EPHA6: variants seen among roughly 807,000 people sequenced by gnomAD.
EPHA6 encodes the protein ephrin type-A receptor 6.
In EPHA6, 50 loss-of-function variants were observed where a neutral mutation model predicts 112.0. That is an observed-to-expected ratio of 0.45 (90% CI 0.36 to 0.56). EPHA6 has a LOEUF of 0.56. Ranked by LOEUF, EPHA6 falls within the 20% of genes least tolerant of loss-of-function variation. The probability of loss-of-function intolerance (pLI) is 0.00; values close to 1 mark genes in which losing one functional copy is unlikely to be tolerated. For missense variants in EPHA6, 1,280 were observed against 1,417.4 expected (o/e 0.90, Z 1.56); for synonymous variants, 529 against 490.7 (o/e 1.08, Z -1.03).
rs193214947 is a variant in EPHA6, at chr3:96,867,076, C to T, written c.450+187C>T. 3.3e-5 allele frequency among the ~76,000 whole-genome samples: 5 copies of T among 151,910 alleles called. No individual in the cohort carries two copies. The East Asian group carries it at 5.8e-4, about 18-fold the overall frequency. ...GGAATGATATGTAAAGCTCCTTCCT[C>T]TCTCCTAAATTAGTAATTATTCTTT... is the stretch of plus-strand genomic sequence containing the variant. On this transcript the variant is annotated intron_variant, in intron 2 of 17. Coordinates refer to ENST00000389672, the MANE Select transcript of EPHA6 (RefSeq NM_001080448.3).
chr3:97,137,934 A>G (rs983318934), intron 3 of EPHA6, among the ~76,000 whole-genome samples: 3 of 152,228 alleles, frequency 2.0e-5, no homozygotes, highest in African/African-American at 4.8e-5. Flanking sequence ...TGCAGCTATG[A>G]CGTCCCTCTT....
chr3:97,139,494 G>A (rs1050148078), intron 3 of EPHA6, among the ~76,000 whole-genome samples: 12 of 151,996 alleles, frequency 7.9e-5, no homozygotes, highest in Admixed American at 7.9e-4. Flanking sequence ...AGCAGAAAAT[G>A]AGCCTGCACA....
intron 3 of EPHA6, among the ~76,000 whole-genome samples, chr3:97,083,639 CTG>C (rs1279910850): frequency 2.0e-4 from 31 of 152,036 alleles, no homozygotes; most frequent in African/African-American, 7.5e-4. Context: ...CTACCCAAGT[CTG>C]TACTTCTTGT....
intron 2 of EPHA6, among the ~76,000 whole-genome samples, chr3:96,969,688 G>T (rs557552136): frequency 1.6e-4 from 24 of 151,962 alleles, no homozygotes; most frequent in African/African-American, 5.8e-4. Flanking sequence ...AGATTTCTGT[G>T]TGAAGATTGT....
intron 12 of EPHA6, among the ~76,000 whole-genome samples, chr3:97,601,004 C>T (rs1284427274): frequency 6.6e-6 from 1 of 151,912 alleles, no homozygotes; most frequent in East Asian, 1.9e-4. Context: ...TTAACTAAGC[C>T]TTCTTATTAG....
chr3:97,439,555 A>G (rs1273732493), intron 6 of EPHA6: 9 of 914,340 alleles, frequency 9.8e-6, no homozygotes, highest in Admixed American at 6.1e-5. Context: ...GGTTGCCAAC[A>G]ACAGAACCCA....
chr3:97,517,170 A>G lies in EPHA6; in HGVS notation c.2201-15188A>G, dbSNP rs189801905. Reference sequence around the variant, plus strand: ...TCAAAAGTAATTTCAAATAACCAAAAAGTGTTGTGTAGTAAGTATATTAAT... The same window carrying G: ...TCAAAAGTAATTTCAAATAACCAAAGAGTGTTGTGTAGTAAGTATATTAAT... On this transcript the variant is annotated intron_variant, in intron 10 of 17. Coordinates refer to ENST00000389672, the MANE Select transcript of EPHA6 (RefSeq NM_001080448.3). Among the ~76,000 whole-genome samples, 155 of 152,244 alleles carry G rather than the reference A, an allele frequency of 1.0e-3. 3 individuals carry two copies. The highest frequency in any genetic ancestry group is 1.0e-3 in the Non-Finnish European group (69 of 67,976).
chr3:97,545,569 T>A lies in EPHA6; in HGVS notation c.2386+13026T>A, dbSNP rs58922927. 4.0e-3 allele frequency among the ~76,000 whole-genome samples: 604 copies of A among 152,320 alleles called. 5 individuals carry two copies. Among genetic ancestry groups the A allele is most frequent in the African/African-American group, 0.013 (542 of 41,572 alleles). ...GATTTGGGGTGGAGAGTTCTGTAGATGTCTATTAGGTCCACTTGGTGCAGA... is the reference window on the plus strand; with the variant it reads ...GATTTGGGGTGGAGAGTTCTGTAGAAGTCTATTAGGTCCACTTGGTGCAGA... On this transcript the variant is annotated intron_variant, in intron 11 of 17. Transcript: ENST00000389672.
intron 11 of EPHA6, among the ~76,000 whole-genome samples, chr3:97,541,149 A>C (rs1360257427): frequency 6.6e-6 from 1 of 152,208 alleles, no homozygotes; most frequent in African/African-American, 2.4e-5. Flanking sequence ...TGAAATTAAC[A>C]AATGAAAATC....
chr3:97,129,680 T>TAG (rs2048285779), intron 3 of EPHA6, among the ~76,000 whole-genome samples: 1 of 152,136 alleles, frequency 6.6e-6, no homozygotes. Flanking sequence ...TTTGCAGTAG[T>TAG]AGAGAGAGAC....
At chr3:97,271,891 A>T (rs1057092022) in intron 5 of EPHA6, among the ~76,000 whole-genome samples, 3 of 152,208 alleles carry the variant, frequency 2.0e-5, no homozygotes, top group African/African-American at 7.2e-5. Flanking sequence ...AACAAACTAC[A>T]TCTATCCCCT....
intron 10 of EPHA6, among the ~76,000 whole-genome samples, chr3:97,525,944 C>T (rs2092613421): frequency 6.6e-6 from 1 of 152,120 alleles, no homozygotes; most frequent in Admixed American, 6.6e-5. Context: ...TGGCAGGACT[C>T]CTGTTGGATA....
intron 3 of EPHA6, among the ~76,000 whole-genome samples, chr3:97,058,719 CTT>C (rs1041726706): frequency 5.3e-5 from 8 of 152,274 alleles, no homozygotes; most frequent in African/African-American, 1.4e-4. Flanking sequence ...TCCTTAATCA[CTT>C]TTTGCCTACA....
intron 3 of EPHA6, among the ~76,000 whole-genome samples, chr3:97,187,086 T>C (rs994301992): frequency 6.6e-6 from 1 of 152,150 alleles, no homozygotes; most frequent in Non-Finnish European, 1.5e-5. Flanking sequence ...ACCCGAAATC[T>C]CCGTGGTGGC....
At chr3:97,648,439 T>C in intron 14 of EPHA6, 1 of 1,367,634 alleles carries the variant, frequency 7.3e-7, no homozygotes, top group Non-Finnish European at 9.5e-7. Flanking sequence ...GTATTTAATG[T>C]GTATTTTAAA....
intron 3 of EPHA6, among the ~76,000 whole-genome samples, chr3:97,097,632 C>T (rs186652954): frequency 4.0e-5 from 6 of 151,728 alleles, no homozygotes; most frequent in Non-Finnish European, 5.9e-5. Flanking sequence ...TTTATGTCTT[C>T]ACTGCCAGAT....
At chr3:97,162,606 C>G (rs957006675) in intron 3 of EPHA6, among the ~76,000 whole-genome samples, 2 of 152,130 alleles carry the variant, frequency 1.3e-5, no homozygotes, top group Non-Finnish European at 2.9e-5. Context: ...TTTCCCAATG[C>G]ACTCTTACCC....
At chr3:97,317,023 A>G (rs1030777773) in intron 5 of EPHA6, among the ~76,000 whole-genome samples, 1 of 151,904 alleles carries the variant, frequency 6.6e-6, no homozygotes, top group African/African-American at 2.4e-5. Context: ...CTTTGACTCA[A>G]TATGCTTTTA....
At chr3:97,364,924 C>A (rs2084630021) in intron 5 of EPHA6, among the ~76,000 whole-genome samples, 1 of 151,974 alleles carries the variant, frequency 6.6e-6, no homozygotes, top group Non-Finnish European at 1.5e-5. Context: ...AAAAACATAC[C>A]TTCTCTCAGG....
Sources: gnomAD v4.1 joint callset for allele counts (sites outside exome capture counted in the v4.1 genomes callset) on GRCh38, gnomAD v4.1.1 for gene constraint, MANE v1.5 for transcripts, NCBI Gene and HGNC (gene_info 2026-07-23, HGNC 2026-07-21) for gene names.